The following PITPNM2 variants were observed in gnomAD, a reference collection of about 807,000 sequenced individuals.
The protein encoded by PITPNM2 is membrane-associated phosphatidylinositol transfer protein 2.
In PITPNM2, 35 loss-of-function variants were observed where a neutral mutation model predicts 132.2. The ratio of observed to expected loss-of-function variants is 0.26; its 90% CI spans 0.20 to 0.35. The LOEUF (loss-of-function observed/expected upper bound fraction) is 0.35, where lower values mean the gene tolerates loss of function less well. PITPNM2 is among the 10% of genes least tolerant of loss of function. PITPNM2 has a pLI of 1.00. For synonymous variants in PITPNM2, 738 were observed against 799.2 expected, an observed-to-expected ratio of 0.92 and a Z score of 1.29; for missense variants, 1,332 against 1,912.0, an observed-to-expected ratio of 0.70 and a Z score of 5.66.
At chr12:123,066,703 T>C (rs2041430039) in intron 2 of PITPNM2, among the ~76,000 whole-genome samples, 1 of 152,174 alleles carries the variant, frequency 6.6e-6, no homozygotes, top group Non-Finnish European at 1.5e-5. Flanking sequence ...GGGGTCTTGA[T>C]TGACTTTTTG....
intron 2 of PITPNM2, among the ~76,000 whole-genome samples, chr12:123,048,095 T>C (rs868426962): frequency 8.1e-6 from 1 of 123,442 alleles, no homozygotes; most frequent in East Asian, 2.4e-4. Flanking sequence ...TGAGACTCCA[T>C]CTCAAAAAAA....
At chr12:123,014,149 T>G in intron 3 of PITPNM2, 107 bp from the exon 4 acceptor site, 1 of 1,209,986 alleles carries the variant, frequency 8.3e-7, no homozygotes, top group Non-Finnish European at 1.2e-6. Context: ...GGAGGGGCTT[T>G]GGTCAACGAG....
At chr12:123,122,806 T>C (rs2043057936) in intron 1 of PITPNM2, among the ~76,000 whole-genome samples, 1 of 152,180 alleles carries the variant, frequency 6.6e-6, no homozygotes, top group Admixed American at 6.5e-5. Context: ...CAGCCTGCCC[T>C]TTGCGGTAGA....
chr12:123,088,588 A>T (rs1566286955), intron 2 of PITPNM2: 1 of 152,314 alleles, frequency 6.6e-6, no homozygotes, highest in African/African-American at 2.4e-5. Context: ...TGAAAGAAGA[A>T]AAAGCTTGAA....
At chr12:123,066,758 G>A (rs957821561) in intron 2 of PITPNM2, among the ~76,000 whole-genome samples, 1 of 152,124 alleles carries the variant, frequency 6.6e-6, no homozygotes, top group Non-Finnish European at 1.5e-5. Flanking sequence ...TAAAATACGT[G>A]TCTGACTAGT....
At position 123,006,991 on chromosome 12, in the gene PITPNM2, A is replaced by C. The variant is rs1267171682; in HGVS notation, c.644-1443T>G. Among the ~76,000 whole-genome samples the C allele has an allele frequency of 2.0e-5, 3 of 152,190 alleles. No homozygotes were observed. The East Asian group carries it at 5.8e-4, about 29-fold the overall frequency. ...CATTAAAAAGCAATGAGACATCCAC[A>C]TCCACAGCCCCAGCGAAGAAACACA... On this transcript the variant is annotated intron_variant, in intron 6 of 25. Transcript: ENST00000320201.
chr12:123,106,411 A>C lies in PITPNM2; in HGVS notation c.-96+3974T>G, dbSNP rs866957024. ...TCTAAAATAAGTAAATAATTCCTTT[A>C]AAAAAAAAAACAGGAAGAAAAGAAA... On this transcript the variant is annotated intron_variant, in intron 2 of 25. Transcript: ENST00000320201. The surrounding 1 kb of genome is among the most constrained non-coding windows in gnomAD (Gnocchi z 4.4). Among the ~76,000 whole-genome samples, 1,395 of 145,050 alleles carry C rather than the reference A, an allele frequency of 9.6e-3. 23 individuals are homozygous for C. The highest frequency in any genetic ancestry group is 0.034 in the African/African-American group (1,305 of 38,824).
Position 122,986,785 on chromosome 12 carries a change from C to T in PITPNM2, c.3458G>A (p.Arg1153Gln), listed in dbSNP as rs2037952814. ...LGYLIIYVTG[R>Q]PDMQKQRVVA... ...CACCCGCTGCTTCTGCATGTCGGGCCGGCCCGTCACGTAGATGATGAGGTA... is the reference window on the plus strand; with the variant it reads ...CACCCGCTGCTTCTGCATGTCGGGCTGGCCCGTCACGTAGATGATGAGGTA... The change falls in exon 24 of 26, where the codon CGG becomes CAG. Residue 1153 changes from arginine (R) to glutamine (Q), a missense_variant. By Grantham distance (43) the Arg-to-Gln change is conservative. Around this residue, in one of 6 missense-constraint regions of PITPNM2, gnomAD observed 251 missense variants for 472.0 expected, o/e 0.53. Transcript: ENST00000320201. The T allele has an allele frequency of 1.2e-6, 2 of 1,613,366 alleles. No homozygotes were observed. The highest frequency in any genetic ancestry group is 1.7e-6 in the Non-Finnish European group (2 of 1,179,916).
intron 1 of PITPNM2, among the ~76,000 whole-genome samples, chr12:123,114,298 G>C (rs1455610178): frequency 6.6e-6 from 1 of 151,836 alleles, no homozygotes. Context: ...AACTCAAAAG[G>C]ATAAAATGGT....
chr12:123,021,375 A>C (rs1021064308), intron 3 of PITPNM2, among the ~76,000 whole-genome samples: 3 of 152,194 alleles, frequency 2.0e-5, no homozygotes, highest in Admixed American at 6.5e-5. Flanking sequence ...TCTGTCCCCC[A>C]GGCTGAAGTA....
At chr12:123,102,557 A>G (rs969544500) in intron 2 of PITPNM2, among the ~76,000 whole-genome samples, 1 of 152,174 alleles carries the variant, frequency 6.6e-6, no homozygotes, top group Admixed American at 6.5e-5. Context: ...AGCAAAAGCA[A>G]CATCTTTTCC....
At chr12:123,061,378 C>G (rs886354155) in intron 2 of PITPNM2, among the ~76,000 whole-genome samples, 1 of 152,262 alleles carries the variant, frequency 6.6e-6, no homozygotes, top group Admixed American at 6.5e-5. Flanking sequence ...GCCCACTCTG[C>G]AGATGAGGAA....
In PITPNM2 at chr12:122,983,962, CAAG is replaced by C. The variant is rs1266597943; in HGVS notation, c.*2062_*2064del. 3 of 152,706 alleles carry C rather than the reference CAAG, an allele frequency of 2.0e-5. No individual in the cohort carries two copies. Among genetic ancestry groups the C allele is most frequent in the African/African-American group, 7.2e-5 (3 of 41,468 alleles). The allele number at this position is 152,706 out of a possible 1,614,324, so 9.5% of individuals were successfully genotyped here. Reference sequence around the variant, plus strand: ...AGTTTCAGAAAGACTGGTACTTCCTCAAGAGGAGAATGTGCCAAAAGGAATCTG... The same window carrying C: ...AGTTTCAGAAAGACTGGTACTTCCTCAGGAGAATGTGCCAAAAGGAATCTG... On this transcript the variant is annotated 3_prime_UTR_variant, in exon 26 of 26. Coordinates refer to ENST00000320201, the MANE Select transcript of PITPNM2 (RefSeq NM_020845.3).
In PITPNM2 at chr12:122,994,744, C is replaced by T; in HGVS notation, c.2233+57G>A. 2 of 1,529,560 alleles carry T rather than the reference C, an allele frequency of 1.3e-6. No individual in the cohort carries two copies. Among genetic ancestry groups the T allele is most frequent in the Non-Finnish European group, 1.8e-6 (2 of 1,138,710 alleles). The allele number at this position is 1,529,560 out of a possible 1,614,324, so 94.7% of individuals were successfully genotyped here. ...ATCTCATCACAGGGGTCCACTGAGA[C>T]CCCCGCCCCCGCACCCAGTGCATGT... is the stretch of plus-strand genomic sequence containing the variant. On this transcript the variant is annotated intron_variant, in intron 15 of 25. Coordinates refer to ENST00000320201, the MANE Select transcript of PITPNM2 (RefSeq NM_020845.3). This position sits in a 1 kb window ranked among gnomAD's most constrained non-coding sequence, Gnocchi z 5.4.
At chr12:123,053,562 CTTTTTT>C (rs964541144) in intron 2 of PITPNM2, among the ~76,000 whole-genome samples, 1 of 119,870 alleles carries the variant, frequency 8.3e-6, no homozygotes, top group Non-Finnish European at 1.8e-5. Flanking sequence ...ATGGTGACAT[CTTTTTT>C]TTTTTTTTTT....
In PITPNM2 at chr12:122,986,100, C is replaced by T; in HGVS notation, c.3977G>A (p.Ser1326Asn). ...DGEQRGQRSM[S>N]VAAGCWGRAM... ...GCGGCCCCAGCAGCCGGCCGCCACA[C>T]TCATGCTGCGCTGGCCCCGCTGCTC... is the stretch of plus-strand genomic sequence containing the variant. Residue 1326 changes from serine to asparagine, a missense_variant, in exon 26 of 26, where the codon AGT becomes AAT. Around this residue, in one of 6 missense-constraint regions of PITPNM2, gnomAD observed 163 missense variants for 177.2 expected, o/e 0.92. Transcript: ENST00000320201. The T allele has an allele frequency of 1.4e-6, 2 of 1,469,610 alleles. No individual in the cohort carries two copies. Among genetic ancestry groups the T allele is most frequent in the Non-Finnish European group, 1.8e-6 (2 of 1,119,854 alleles). The allele number at this position is 1,469,610 out of a possible 1,614,324, so 91.0% of individuals were successfully genotyped here. A position where few individuals can be genotyped will look rare whatever the true frequency, so the allele number is the denominator to read the frequency against.
chr12:122,994,189 C>G lies in PITPNM2; in HGVS notation c.2233+612G>C, dbSNP rs558360429. Among the ~76,000 whole-genome samples the G allele has an allele frequency of 6.6e-6, 1 of 152,220 alleles. No homozygotes were observed. Among genetic ancestry groups the G allele is most frequent in the Admixed American group, 6.5e-5 (1 of 15,284 alleles). ...CGCCCGGCCAGCTCTGCATTTTTAA[C>G]CTGCACTTGGCAAGCATCTAAACCT... On this transcript the variant is annotated intron_variant, in intron 15 of 25. Transcript: ENST00000320201. The surrounding 1 kb of genome is among the most constrained non-coding windows in gnomAD (Gnocchi z 5.4).
chr12:123,130,899 G>C (rs946005745), intron 1 of PITPNM2, among the ~76,000 whole-genome samples: 1 of 152,176 alleles, frequency 6.6e-6, no homozygotes, highest in Non-Finnish European at 1.5e-5. Context: ...AGGGTGCTAA[G>C]CTTAGGGTGT....
intron 2 of PITPNM2, among the ~76,000 whole-genome samples, chr12:123,066,851 C>A (rs2041436737): frequency 6.6e-6 from 1 of 152,134 alleles, no homozygotes; most frequent in South Asian, 2.1e-4. Flanking sequence ...CAAAGTCGCC[C>A]TTGCTGATGA....
Sources: gnomAD v4.1 joint callset for allele counts (sites outside exome capture counted in the v4.1 genomes callset) on GRCh38, gnomAD v4.1.1 for gene constraint, gnomAD v4.1.1 regional missense constraint, Gnocchi (gnomAD v3.1) non-coding constraint, MANE v1.5 for transcripts, NCBI Gene and HGNC (gene_info 2026-07-23, HGNC 2026-07-21) for gene names.